The following SOX6 variants were observed in gnomAD, a reference collection of about 807,000 sequenced individuals.
SOX6 encodes SRY-box transcription factor 6.
Under a neutral mutation model 97.8 loss-of-function variants are expected in SOX6, and 11 were observed. The observed-to-expected ratio is 0.11, with a 90% CI of 0.07 to 0.19. The LOEUF (loss-of-function observed/expected upper bound fraction) is 0.19, where lower values mean the gene tolerates loss of function less well. Among genes scored for constraint, SOX6 ranks in the 10% least tolerant of loss-of-function variants. The probability of loss-of-function intolerance (pLI) is 1.00; values close to 1 mark genes in which losing one functional copy is unlikely to be tolerated. For missense variants in SOX6, 810 were observed against 1,039.5 expected (o/e 0.78, Z 3.04); for synonymous variants, 360 against 371.4 (o/e 0.97, Z 0.35).
chr11:16,485,119 T>C (rs778056013), intron 4 of SOX6, among the ~76,000 whole-genome samples: 2 of 152,178 alleles, frequency 1.3e-5, no homozygotes, highest in Non-Finnish European at 2.9e-5. Context: ...GGCCCACCAG[T>C]TCACCTCCGC....
chr11:16,223,103 A>C (rs1430212588), intron 4 of SOX6, among the ~76,000 whole-genome samples: 1 of 152,106 alleles, frequency 6.6e-6, no homozygotes, highest in African/African-American at 2.4e-5. Flanking sequence ...AATTTACTAC[A>C]CAAATTGATG....
chr11:16,336,910 C>T (rs1296468514), intron 2 of SOX6, among the ~76,000 whole-genome samples: 2 of 152,124 alleles, frequency 1.3e-5, no homozygotes, highest in Non-Finnish European at 2.9e-5. Context: ...CCAATTTCAG[C>T]TCAAATGTCA....
Position 16,521,045 on chromosome 11 carries a change from G to T in SOX6, n.610-44657C>A, listed in dbSNP as rs1479691396. Among the ~76,000 whole-genome samples the T allele has an allele frequency of 2.6e-5, 4 of 152,288 alleles. No individual in the cohort carries two copies. In the East Asian group the frequency reaches 7.7e-4, roughly 29 times the overall value. ...CCTGCCTCTGTAGGCTCCACCTCTGGGGGCAGGGCACCGACAAACGAAAAG... is the reference window on the plus strand; with the variant it reads ...CCTGCCTCTGTAGGCTCCACCTCTGTGGGCAGGGCACCGACAAACGAAAAG... On this transcript the variant is annotated intron_variant and non_coding_transcript_variant, in intron 4 of 5. Transcript: ENST00000524520.
chr11:16,039,422 T>C (rs1436534242), intron 12 of SOX6, among the ~76,000 whole-genome samples: 1 of 152,136 alleles, frequency 6.6e-6, no homozygotes, highest in Non-Finnish European at 1.5e-5. Flanking sequence ...ATGTATTACA[T>C]GATCTAGAAT....
At chr11:16,097,717 T>G (rs1329941478) in intron 7 of SOX6, 29 bp from the exon 8 acceptor site, 1 of 1,583,742 alleles carries the variant, frequency 6.3e-7, no homozygotes, top group Non-Finnish European at 8.7e-7. Context: ...CATACAGGTT[T>G]AGACAATGCA....
At chr11:16,134,056 A>G (rs1849891277) in intron 6 of SOX6, among the ~76,000 whole-genome samples, 1 of 152,232 alleles carries the variant, frequency 6.6e-6, no homozygotes, top group African/African-American at 2.4e-5. Context: ...TAAAGGCTAC[A>G]CTGATATAGT....
chr11:16,486,405 T>G (rs2133128916), intron 4 of SOX6, among the ~76,000 whole-genome samples: 1 of 152,122 alleles, frequency 6.6e-6, no homozygotes, highest in East Asian at 1.9e-4. Flanking sequence ...TTTAAGATCT[T>G]TTTTTTCTTA....
intron 1 of SOX6, among the ~76,000 whole-genome samples, chr11:16,418,185 A>G (rs1342426998): frequency 6.6e-6 from 1 of 152,222 alleles, no homozygotes; most frequent in East Asian, 1.9e-4. Flanking sequence ...TGCAGGAATC[A>G]TGGCAATTCA....
intron 6 of SOX6, among the ~76,000 whole-genome samples, chr11:16,178,219 T>C (rs2134094183): frequency 6.6e-6 from 1 of 152,110 alleles, no homozygotes; most frequent in South Asian, 2.1e-4. Flanking sequence ...AACTAAAGTG[T>C]AGTTTTAGTT....
intron 9 of SOX6, among the ~76,000 whole-genome samples, chr11:16,067,056 T>C (rs540688013): frequency 6.6e-6 from 1 of 152,302 alleles, no homozygotes; most frequent in African/African-American, 2.4e-5. Context: ...TTACTCCCAT[T>C]GTATCTAGGA....
intron 12 of SOX6, among the ~76,000 whole-genome samples, chr11:16,033,650 C>T (rs1321969431): frequency 6.6e-6 from 1 of 152,144 alleles, no homozygotes; most frequent in East Asian, 1.9e-4. Flanking sequence ...GCAGGTGCAT[C>T]ACCTGAGGTC....
At chr11:16,701,889 G>A (rs999952773) in intron 3 of SOX6, among the ~76,000 whole-genome samples, 16 of 149,782 alleles carry the variant, frequency 1.1e-4, no homozygotes, top group Non-Finnish European at 1.9e-4. Context: ...GCAAGACTCC[G>A]TCTCAAAAAA....
rs568548825 is a variant in SOX6, at chr11:16,164,724, A to G, written c.777+19162T>C. On this transcript the variant is annotated intron_variant, in intron 6 of 15. Coordinates refer to ENST00000683767, the MANE Select transcript of SOX6 (RefSeq NM_001367873.1). ...TGTAATCCCAGCTACTTGGGAGGCT[A>G]AGGCAGGAGAATCACTTGAACCTGG... 2.6e-5 allele frequency among the ~76,000 whole-genome samples: 4 copies of G among 151,990 alleles called. No individual in the cohort carries two copies. The South Asian group carries it at 8.3e-4, about 32-fold the overall frequency.
intron 1 of SOX6, among the ~76,000 whole-genome samples, chr11:16,370,634 C>T (rs1857474745): frequency 6.6e-6 from 1 of 152,050 alleles, no homozygotes; most frequent in African/African-American, 2.4e-5. Context: ...TAACATGCAT[C>T]TCAAACTTAA....
intron 3 of SOX6, among the ~76,000 whole-genome samples, chr11:16,701,378 AG>A (rs1321757211): frequency 6.6e-6 from 1 of 152,236 alleles, no homozygotes; most frequent in African/African-American, 2.4e-5. Flanking sequence ...AATTATGTTA[AG>A]GAACTGGTAG....
At chr11:16,040,869 T>A (rs1168313004) in intron 12 of SOX6, among the ~76,000 whole-genome samples, 1 of 152,106 alleles carries the variant, frequency 6.6e-6, no homozygotes, top group Non-Finnish European at 1.5e-5. Flanking sequence ...TATGTAATAA[T>A]ATATTTGGAG....
intron 13 of SOX6, among the ~76,000 whole-genome samples, chr11:15,997,089 G>A (rs1471110512): frequency 6.6e-6 from 1 of 152,006 alleles, no homozygotes; most frequent in Non-Finnish European, 1.5e-5. Flanking sequence ...GATAAAAAGG[G>A]AATATTATAA....
At chr11:16,079,061 C>T (rs998692280) in intron 9 of SOX6, among the ~76,000 whole-genome samples, 2 of 152,142 alleles carry the variant, frequency 1.3e-5, no homozygotes, top group Admixed American at 1.3e-4. Flanking sequence ...ATTAAAACAA[C>T]ATGGCAGACC....
At chr11:16,523,653 A>G (rs1861107447) in intron 4 of SOX6, among the ~76,000 whole-genome samples, 1 of 152,186 alleles carries the variant, frequency 6.6e-6, no homozygotes. Context: ...TGAAGGAAAT[A>G]GAGACACAAA....
Sources: gnomAD v4.1 joint callset for allele counts (sites outside exome capture counted in the v4.1 genomes callset) on GRCh38, gnomAD v4.1.1 for gene constraint, MANE v1.5 for transcripts, NCBI Gene and HGNC (gene_info 2026-07-23, HGNC 2026-07-21) for gene names.